CACNA2D3: variants seen among roughly 807,000 people sequenced by gnomAD.
CACNA2D3 encodes calcium voltage-gated channel auxiliary subunit alpha2delta 3, also known as voltage-dependent calcium channel subunit alpha-2/delta-3.
In CACNA2D3, 60 loss-of-function variants were observed where a neutral mutation model predicts 160.6. The ratio of observed to expected loss-of-function variants is 0.37; its 90% CI spans 0.30 to 0.46. The LOEUF is 0.46. Ranked by LOEUF, CACNA2D3 falls within the 20% of genes least tolerant of loss-of-function variation. The pLI, the probability that CACNA2D3 is intolerant of heterozygous loss-of-function variation, is 1.00. For synonymous variants in CACNA2D3, 558 were observed against 492.9 expected, an observed-to-expected ratio of 1.13 and a Z score of -1.75; for missense variants, 1,205 against 1,365.0, an observed-to-expected ratio of 0.88 and a Z score of 1.85.
chr3:55,009,254 C>T, intron 33 of CACNA2D3, 134 bp from the exon 34 acceptor site: 1 of 743,008 alleles, frequency 1.3e-6, no homozygotes, highest in South Asian at 1.7e-5. Context: ...AGTAACTCAG[C>T]CAACTGTGTT....
intron 3 of CACNA2D3, among the ~76,000 whole-genome samples, chr3:54,383,020 G>A (rs1001365714): frequency 1.4e-4 from 21 of 152,022 alleles, no homozygotes; most frequent in African/African-American, 5.1e-4. Flanking sequence ...GCTAATTTTT[G>A]TATTTTTTGT....
intron 11 of CACNA2D3, among the ~76,000 whole-genome samples, chr3:54,678,847 C>CA (rs543085235): frequency 6.9e-6 from 1 of 145,520 alleles, no homozygotes; most frequent in Non-Finnish European, 1.5e-5. Flanking sequence ...GAATTAAAGA[C>CA]AAAAACACTG....
intron 16 of CACNA2D3, among the ~76,000 whole-genome samples, chr3:54,841,087 CATAATA>C (rs1225340419): frequency 6.6e-6 from 1 of 152,124 alleles, no homozygotes; most frequent in Non-Finnish European, 1.5e-5. Flanking sequence ...CAATGACAAT[CATAATA>C]GTAATAGTTA....
chr3:54,843,732 C>A (rs1356035425), intron 16 of CACNA2D3, among the ~76,000 whole-genome samples: 1 of 152,160 alleles, frequency 6.6e-6, no homozygotes. Flanking sequence ...TTGTGGAAAT[C>A]TATTGAATTA....
At chr3:54,596,642 T>C (rs2106765236) in intron 9 of CACNA2D3, among the ~76,000 whole-genome samples, 1 of 152,144 alleles carries the variant, frequency 6.6e-6, no homozygotes, top group South Asian at 2.1e-4. Context: ...TAGTATGACC[T>C]CTTCCCACCC....
intron 27 of CACNA2D3, chr3:54,918,642 G>A (rs1700737292): frequency 1.2e-6 from 2 of 1,614,152 alleles, no homozygotes; most frequent in South Asian, 2.2e-5. Flanking sequence ...CAGTGGCAAT[G>A]GCATGACGCA....
chr3:54,978,501 A>G lies in CACNA2D3; in HGVS notation c.2557-6107A>G, dbSNP rs534240201. Among the ~76,000 whole-genome samples the G allele has an allele frequency of 2.0e-5, 3 of 152,374 alleles. No homozygotes were observed. In the South Asian group the frequency reaches 6.2e-4, roughly 32 times the overall value. On this transcript the variant is annotated intron_variant, in intron 29 of 37. Transcript: ENST00000474759. ...TGACTCCGAGTTCTGACAAAAGATG[A>G]TATCTAGAAGATTAAAAAGTGCTCA...
intron 11 of CACNA2D3, among the ~76,000 whole-genome samples, chr3:54,752,095 C>T (rs1320093440): frequency 1.3e-5 from 2 of 152,220 alleles, no homozygotes; most frequent in South Asian, 2.1e-4. Flanking sequence ...CTGTGTCTCT[C>T]ATCCCAGTTA....
At chr3:55,012,422 C>T (rs186895365) in intron 34 of CACNA2D3, among the ~76,000 whole-genome samples, 112 of 152,136 alleles carry the variant, frequency 7.4e-4, no homozygotes, top group Middle Eastern at 6.8e-3. Context: ...CTAGTGAAGA[C>T]GCTCCCTTCT....
intron 2 of CACNA2D3, among the ~76,000 whole-genome samples, chr3:54,257,299 G>A (rs1026048834): frequency 3.9e-5 from 6 of 152,280 alleles, no homozygotes; most frequent in Non-Finnish European, 8.8e-5. Flanking sequence ...TGTAATGTAC[G>A]GCAAATATCT....
chr3:54,668,922 A>G (rs1311165227), intron 11 of CACNA2D3, among the ~76,000 whole-genome samples: 2 of 152,236 alleles, frequency 1.3e-5, no homozygotes, highest in Non-Finnish European at 2.9e-5. Flanking sequence ...ACCTCCCACA[A>G]AGTTCCTATT....
chr3:54,681,210 G>A (rs755510515), intron 11 of CACNA2D3, among the ~76,000 whole-genome samples: 8 of 151,598 alleles, frequency 5.3e-5, no homozygotes. Flanking sequence ...ATTATACCAT[G>A]TCATCATGGT....
chr3:54,684,233 TAC>T (rs1700408266), intron 11 of CACNA2D3, among the ~76,000 whole-genome samples: 1 of 152,114 alleles, frequency 6.6e-6, no homozygotes, highest in South Asian at 2.1e-4. Flanking sequence ...GTGCTGGGAT[TAC>T]AGCTGTAAGC....
At chr3:54,537,604 TC>T (rs1162050995) in intron 5 of CACNA2D3, among the ~76,000 whole-genome samples, 1 of 152,128 alleles carries the variant, frequency 6.6e-6, no homozygotes, top group African/African-American at 2.4e-5. Context: ...TACTGAGTTA[TC>T]CCTGATACTC....
At chr3:54,652,315 G>A (rs1246859103) in intron 11 of CACNA2D3, among the ~76,000 whole-genome samples, 1 of 152,180 alleles carries the variant, frequency 6.6e-6, no homozygotes, top group Non-Finnish European at 1.5e-5. Flanking sequence ...GCTGTGTCTC[G>A]CAGTCCATTG....
intron 9 of CACNA2D3, among the ~76,000 whole-genome samples, chr3:54,612,717 T>A (rs1306012600): frequency 6.6e-6 from 1 of 152,198 alleles, no homozygotes; most frequent in Non-Finnish European, 1.5e-5. Flanking sequence ...GAAGATGCCC[T>A]GATAACTGAG....
chr3:55,013,547 G>A (rs981480953), intron 34 of CACNA2D3, among the ~76,000 whole-genome samples: 2 of 152,170 alleles, frequency 1.3e-5, no homozygotes, highest in African/African-American at 2.4e-5. Flanking sequence ...CTATTGGCTT[G>A]CAAGGTTTCT....
intron 11 of CACNA2D3, among the ~76,000 whole-genome samples, chr3:54,703,253 G>T (rs199738371): frequency 6.6e-6 from 1 of 151,916 alleles, no homozygotes; most frequent in African/African-American, 2.4e-5. Context: ...GAAAAAAAAA[G>T]GATAAAAAAA....
At chr3:54,870,958 A>G (rs750347382) in intron 17 of CACNA2D3, among the ~76,000 whole-genome samples, 11 of 151,988 alleles carry the variant, frequency 7.2e-5, no homozygotes, top group African/African-American at 2.4e-4. Context: ...ATTATAAAGT[A>G]TAGGGGGATA....
Sources: gnomAD v4.1 joint callset for allele counts (sites outside exome capture counted in the v4.1 genomes callset) on GRCh38, gnomAD v4.1.1 for gene constraint, MANE v1.5 for transcripts, NCBI Gene and HGNC (gene_info 2026-07-23, HGNC 2026-07-21) for gene names.